BMPR1B: variants seen among roughly 807,000 people sequenced by gnomAD.
BMPR1B encodes bone morphogenetic protein receptor type-1B.
BMPR1B carries 12 observed loss-of-function variants against 59.1 expected under a neutral mutation model. The ratio of observed to expected loss-of-function variants is 0.20; its 90% confidence interval spans 0.13 to 0.33. BMPR1B has a LOEUF of 0.33. Ranked by LOEUF, BMPR1B falls within the 10% of genes least tolerant of loss-of-function variation. The pLI is 1.00. For missense variants in BMPR1B, 550 were observed against 610.9 expected (o/e 0.90, Z 1.05); for synonymous variants, 237 against 207.3 (o/e 1.14, Z -1.23).
chr4:95,100,841 G>A (rs577636733), intron 3 of BMPR1B, among the ~76,000 whole-genome samples: 147 of 152,144 alleles, frequency 9.7e-4, no homozygotes, highest in African/African-American at 3.3e-3. Context: ...TTATAGCAAC[G>A]TGTTCTTGTT....
At chr4:94,921,174 C>G (rs1728672943) in intron 2 of BMPR1B, among the ~76,000 whole-genome samples, 1 of 152,058 alleles carries the variant, frequency 6.6e-6, no homozygotes, top group South Asian at 2.1e-4. Flanking sequence ...ACCTGTCTTT[C>G]CTCCAGATAT....
intron 2 of BMPR1B, among the ~76,000 whole-genome samples, chr4:94,988,678 G>A (rs1171762763): frequency 3.3e-5 from 5 of 151,956 alleles, no homozygotes; most frequent in Non-Finnish European, 5.9e-5. Context: ...ACTAATAATG[G>A]GTATGTATTA....
At chr4:95,135,337 CA>C (rs1392881941) in intron 10 of BMPR1B, among the ~76,000 whole-genome samples, 1 of 152,154 alleles carries the variant, frequency 6.6e-6, no homozygotes, top group Non-Finnish European at 1.5e-5. Flanking sequence ...ATTGACTTAG[CA>C]ATGCGGGCTC....
At chr4:95,058,249 G>C (rs1727078387) in intron 3 of BMPR1B, among the ~76,000 whole-genome samples, 1 of 152,126 alleles carries the variant, frequency 6.6e-6, no homozygotes, top group Admixed American at 6.6e-5. Flanking sequence ...GGAACTTAAT[G>C]TCTGAAACTA....
At chr4:94,889,171 C>T (rs1008644719) in intron 2 of BMPR1B, among the ~76,000 whole-genome samples, 2 of 151,790 alleles carry the variant, frequency 1.3e-5, no homozygotes, top group East Asian at 1.9e-4. Context: ...TTAACAATGG[C>T]GATGTTTCAA....
intron 1 of BMPR1B, among the ~76,000 whole-genome samples, chr4:94,856,251 G>A (rs576098251): frequency 1.3e-5 from 2 of 152,194 alleles, no homozygotes; most frequent in African/African-American, 4.8e-5. Flanking sequence ...TAGAAAACTG[G>A]GCAGCCCTCC....
intron 2 of BMPR1B, among the ~76,000 whole-genome samples, chr4:94,940,434 A>G (rs184101922): frequency 6.6e-6 from 1 of 152,320 alleles, no homozygotes; most frequent in East Asian, 1.9e-4. Context: ...CCCCTGGCTT[A>G]TGGGATTCTC....
At chr4:94,774,906 T>C (rs1205553354) in intron 1 of BMPR1B, among the ~76,000 whole-genome samples, 1 of 152,162 alleles carries the variant, frequency 6.6e-6, no homozygotes, top group African/African-American at 2.4e-5. Flanking sequence ...CTTTATTTTT[T>C]CATAATGGCG....
chr4:95,026,614 A>G (rs1236907848), intron 3 of BMPR1B, among the ~76,000 whole-genome samples: 1 of 152,056 alleles, frequency 6.6e-6, no homozygotes, highest in African/African-American at 2.4e-5. Context: ...CTTTTCTAAA[A>G]TATAGGTAAG....
chr4:95,089,801 G>C (rs2149246836), intron 3 of BMPR1B, among the ~76,000 whole-genome samples: 1 of 152,168 alleles, frequency 6.6e-6, no homozygotes, highest in African/African-American at 2.4e-5. Flanking sequence ...GTAGATGGTG[G>C]TTCAGTATTT....
rs144900293 is a variant in BMPR1B at position 94,928,683 on chromosome 4, G to T, written c.-113+52783G>T. Among the ~76,000 whole-genome samples the T allele has an allele frequency of 2.7e-3, 415 of 151,760 alleles. 3 individuals carry two copies. Among genetic ancestry groups the T allele is most frequent in the African/African-American group, 9.7e-3 (401 of 41,422 alleles). On this transcript the variant is annotated intron_variant, in intron 2 of 12. Coordinates refer to ENST00000515059, the MANE Select transcript of BMPR1B (RefSeq NM_001203.3). ...GGCTGGCACTATAGCTGTTTTGCCT[G>T]AGATATGAAAACATGTAAAGATATA...
intron 1 of BMPR1B, among the ~76,000 whole-genome samples, chr4:94,759,142 G>C (rs771913879): frequency 1.3e-5 from 2 of 152,198 alleles, no homozygotes; most frequent in Non-Finnish European, 2.9e-5. Flanking sequence ...CCTGCTGTTT[G>C]TTCTGAATGG....
intron 9 of BMPR1B, 113 bp from the exon 10 acceptor site, chr4:95,131,102 T>C: frequency 8.9e-7 from 1 of 1,120,524 alleles, no homozygotes; most frequent in Non-Finnish European, 1.3e-6. Context: ...GTCAGGAAAT[T>C]GAATGAAATG....
chr4:95,064,481 A>G (rs961448496), intron 3 of BMPR1B, among the ~76,000 whole-genome samples: 2 of 151,780 alleles, frequency 1.3e-5, no homozygotes, highest in African/African-American at 4.8e-5. Flanking sequence ...ACCATCCCCC[A>G]CCACCCCTCC....
At chr4:94,881,320 A>G (rs1052230308) in intron 2 of BMPR1B, among the ~76,000 whole-genome samples, 3 of 152,090 alleles carry the variant, frequency 2.0e-5, no homozygotes, top group Middle Eastern at 3.2e-3. Flanking sequence ...CGTATTTAGA[A>G]GCATGTTTCT....
intron 3 of BMPR1B, among the ~76,000 whole-genome samples, chr4:95,038,938 A>G (rs1296984562): frequency 6.6e-6 from 1 of 152,220 alleles, no homozygotes; most frequent in Non-Finnish European, 1.5e-5. Context: ...TTCATTTGGC[A>G]TAAACCTTAG....
chr4:94,988,803 G>C (rs1176906249), intron 2 of BMPR1B, among the ~76,000 whole-genome samples: 1 of 152,000 alleles, frequency 6.6e-6, no homozygotes, highest in African/African-American at 2.4e-5. Context: ...AAAGGTAAGT[G>C]AGTCTGTATG....
intron 10 of BMPR1B, among the ~76,000 whole-genome samples, chr4:95,133,829 C>A (rs1733560092): frequency 6.6e-6 from 1 of 151,320 alleles, no homozygotes; most frequent in South Asian, 2.1e-4. Context: ...ATCAGCCTCC[C>A]AAAACGCTGG....
intron 1 of BMPR1B, among the ~76,000 whole-genome samples, chr4:94,778,453 G>T (rs1013498044): frequency 6.6e-6 from 1 of 152,070 alleles, no homozygotes; most frequent in Non-Finnish European, 1.5e-5. Flanking sequence ...ACTGTTGGGG[G>T]AATAGATCAC....
Sources: gnomAD v4.1 joint callset for allele counts (sites outside exome capture counted in the v4.1 genomes callset) on GRCh38, gnomAD v4.1.1 for gene constraint, MANE v1.5 for transcripts, NCBI Gene and HGNC (gene_info 2026-07-23, HGNC 2026-07-21) for gene names.